NXPE2: variants seen among roughly 807,000 people sequenced by gnomAD.
The protein encoded by NXPE2 is neurexophilin and PC-esterase domain family member 2.
Under a neutral mutation model 34.4 loss-of-function variants are expected in NXPE2, and 34 were observed. The ratio of observed to expected loss-of-function variants is 0.99; its 90% CI spans 0.75 to 1.31. The LOEUF is 1.31. Among genes scored for constraint, NXPE2 ranks in the 40% most tolerant of loss-of-function variants. The pLI is 0.00. For missense variants in NXPE2, 649 were observed against 672.5 expected, an observed-to-expected ratio of 0.97 and a Z score of 0.39; for synonymous variants, 235 against 231.3, an observed-to-expected ratio of 1.02 and a Z score of -0.15.
the NXPE2 span, among the ~76,000 whole-genome samples, chr11:114,765,300 T>G: frequency 6.6e-6 from 1 of 152,218 alleles, no homozygotes; most frequent in Admixed American, 6.5e-5. Flanking sequence ...AGATATTGTG[T>G]TTTTTACAAA....
the NXPE2 span, among the ~76,000 whole-genome samples, chr11:114,792,822 A>T: frequency 6.6e-6 from 1 of 152,222 alleles, no homozygotes; most frequent in Non-Finnish European, 1.5e-5. Context: ...TATCTCATTT[A>T]GTCCTGACAT....
At chr11:114,807,891 T>C in the NXPE2 span, among the ~76,000 whole-genome samples, 1 of 152,210 alleles carries the variant, frequency 6.6e-6, no homozygotes, top group Non-Finnish European at 1.5e-5. Context: ...AGAATATACA[T>C]TCTTTTCATC....
the NXPE2 span, among the ~76,000 whole-genome samples, chr11:114,655,227 C>T: frequency 6.6e-6 from 1 of 152,046 alleles, no homozygotes; most frequent in Non-Finnish European, 1.5e-5. Context: ...GATATTAAAC[C>T]TTTGTCAGAT....
At chr11:114,696,339 C>A (rs3133263) in intron 2 of NXPE2, among the ~76,000 whole-genome samples, 111,290 of 128,978 alleles carry the variant, frequency 0.86, 46,840 homozygotes, top group East Asian at 0.99. Context: ...ATCAAAAAAA[C>A]CAAAAAAAAA....
chr11:114,627,937 T>C, the NXPE2 span, among the ~76,000 whole-genome samples: 1 of 152,036 alleles, frequency 6.6e-6, no homozygotes, highest in Non-Finnish European at 1.5e-5. Flanking sequence ...CATTATTTAA[T>C]GGTAAAGGGA....
intron 2 of NXPE2, among the ~76,000 whole-genome samples, chr11:114,697,687 T>C (rs1376633971): frequency 6.6e-6 from 1 of 152,172 alleles, no homozygotes; most frequent in Non-Finnish European, 1.5e-5. Context: ...TGCTCTGTTG[T>C]TTGCATTGTT....
chr11:114,791,781 G>A, the NXPE2 span, among the ~76,000 whole-genome samples: 5 of 152,238 alleles, frequency 3.3e-5, no homozygotes, highest in African/African-American at 7.2e-5. Flanking sequence ...AAGATGTCAG[G>A]CGCGGTGGCT....
the NXPE2 span, among the ~76,000 whole-genome samples, chr11:114,739,172 T>C: frequency 4.6e-5 from 7 of 152,182 alleles, no homozygotes; most frequent in Non-Finnish European, 7.3e-5. Context: ...GCTTCTCAGG[T>C]GCCACAGGAA....
the NXPE2 span, among the ~76,000 whole-genome samples, chr11:114,712,242 G>T: frequency 0.35 from 53,807 of 151,854 alleles, 9,801 homozygotes; most frequent in South Asian, 0.38. Context: ...TAATTTCTTG[G>T]CTATGACACC....
chr11:114,591,537 C>T, the NXPE2 span, among the ~76,000 whole-genome samples: 2 of 152,110 alleles, frequency 1.3e-5, no homozygotes, highest in Non-Finnish European at 2.9e-5. Flanking sequence ...TGAAGCCCCT[C>T]TAACCTGGGA....
At chr11:114,657,988 C>T in the NXPE2 span, among the ~76,000 whole-genome samples, 5 of 152,242 alleles carry the variant, frequency 3.3e-5, no homozygotes, top group Non-Finnish European at 7.4e-5. Context: ...TAACTTATTG[C>T]TTTCTTTAAG....
the NXPE2 span, among the ~76,000 whole-genome samples, chr11:114,635,693 A>G: frequency 1.4e-4 from 21 of 151,844 alleles, no homozygotes; most frequent in Non-Finnish European, 1.9e-4. Context: ...GAATTTTGTC[A>G]AAGGCCTTTT....
At chr11:114,641,503 C>A in the NXPE2 span, among the ~76,000 whole-genome samples, 4 of 151,886 alleles carry the variant, frequency 2.6e-5, no homozygotes, top group Non-Finnish European at 5.9e-5. Context: ...GGAATGCCAC[C>A]AAATTATATT....
At chr11:114,687,934 AG>A in intron 2 of NXPE2, among the ~76,000 whole-genome samples, 1 of 152,052 alleles carries the variant, frequency 6.6e-6, no homozygotes, top group East Asian at 1.9e-4. Context: ...TTTGTACGTA[AG>A]TTTTGTATCC....
chr11:114,503,934 C>T, the NXPE2 span, among the ~76,000 whole-genome samples: 2 of 152,230 alleles, frequency 1.3e-5, no homozygotes, highest in African/African-American at 4.8e-5. Flanking sequence ...CCCAGCCTGG[C>T]CTTGCCTGCT....
the NXPE2 span, among the ~76,000 whole-genome samples, chr11:114,715,019 T>C: frequency 6.6e-6 from 1 of 152,162 alleles, no homozygotes; most frequent in Non-Finnish European, 1.5e-5. Context: ...AGACTCTGTG[T>C]CAATAAATAA....
chr11:114,802,387 A>G, the NXPE2 span, among the ~76,000 whole-genome samples: 1 of 152,220 alleles, frequency 6.6e-6, no homozygotes, highest in Non-Finnish European at 1.5e-5. Context: ...TCTTAGAAAA[A>G]GTCTTCCTCC....
At chr11:114,765,090 T>A in the NXPE2 span, among the ~76,000 whole-genome samples, 1 of 152,198 alleles carries the variant, frequency 6.6e-6, no homozygotes, top group African/African-American at 2.4e-5. Flanking sequence ...AATCTCTGTA[T>A]CTCAGAAAGT....
chr11:114,490,443 T>C, the NXPE2 span, among the ~76,000 whole-genome samples: 1 of 152,202 alleles, frequency 6.6e-6, no homozygotes, highest in African/African-American at 2.4e-5. Context: ...GCTACCTGAC[T>C]TAAAGCTATA....
Sources: allele counts gnomAD v4.1 joint callset (sites outside exome capture counted in the v4.1 genomes callset), GRCh38; gene constraint gnomAD v4.1.1; transcripts MANE v1.5; gene names NCBI Gene and HGNC (gene_info 2026-07-23, HGNC 2026-07-21).